The following FLT4 variants were observed in gnomAD, a reference collection of about 807,000 sequenced individuals.
The protein encoded by FLT4 is fms related receptor tyrosine kinase 4, also known as vascular endothelial growth factor receptor 3.
In FLT4, 30 loss-of-function variants were observed where a neutral mutation model predicts 163.2. The observed-to-expected ratio is 0.18, with a 90% confidence interval of 0.14 to 0.25. FLT4 has a LOEUF of 0.25. Among genes scored for constraint, FLT4 ranks in the 10% least tolerant of loss-of-function variants. The pLI is 1.00. For missense variants in FLT4, 1,510 were observed against 1,863.8 expected, an observed-to-expected ratio of 0.81 and a Z score of 3.50; for synonymous variants, 884 against 789.5, an observed-to-expected ratio of 1.12 and a Z score of -2.01.
intron 7 of FLT4, 27 bp from the exon 8 acceptor site, chr5:180,629,026 A>G (rs752263155): frequency 5.0e-6 from 8 of 1,584,684 alleles, no homozygotes; most frequent in Non-Finnish European, 6.9e-6. Context: ...GTCACTGTAA[A>G]TCCAGGACTG....
At chr5:180,624,865 CAT>C (rs1365098164) in intron 10 of FLT4, among the ~76,000 whole-genome samples, 1 of 152,258 alleles carries the variant, frequency 6.6e-6, no homozygotes, top group Non-Finnish European at 1.5e-5. Context: ...AAGGGAGGCT[CAT>C]ATCTGCCCCT....
upstream of FLT4, chr5:180,649,713 G>A (rs1390909426): frequency 7.0e-5 from 14 of 199,460 alleles, no homozygotes; most frequent in South Asian, 3.6e-4. Context: ...CTCCCAGCCC[G>A]CCGCGGGGCG....
intron 1 of FLT4, among the ~76,000 whole-genome samples, chr5:180,633,968 A>T (rs911293702): frequency 1.3e-5 from 2 of 152,124 alleles, no homozygotes; most frequent in African/African-American, 4.8e-5. Context: ...CACATCCAGC[A>T]GACACCTTCC....
In FLT4 at chr5:180,616,451, C is replaced by T. The variant is rs546970544; in HGVS notation, c.3135G>A (p.Leu1045=). ...HRDLAARNIL[L]SESDVVKICD... ...AGATCTTCACCACGTCGCTTTCCGA[C>T]AGCAGAATGTTCCGAGCAGCCAGGT... Residue 1045 remains leucine, a synonymous_variant, in exon 23 of 30, where the codon CTG becomes CTA. Coordinates refer to ENST00000261937, the MANE Select transcript of FLT4 (RefSeq NM_182925.5). 1.2e-6 allele frequency: 2 copies of T among 1,613,970 alleles called. No homozygotes were observed. Among genetic ancestry groups the T allele is most frequent in the Non-Finnish European group, 1.7e-6 (2 of 1,180,002 alleles).
chr5:180,646,230 C>G (rs888657799), intron 1 of FLT4, among the ~76,000 whole-genome samples: 14 of 152,170 alleles, frequency 9.2e-5, no homozygotes, highest in African/African-American at 3.4e-4. Flanking sequence ...GATAAATTAT[C>G]CTTGAAGCCA....
Position 180,623,824 on chromosome 5 carries a change from G to A in FLT4, c.1548+111C>T. ...ACTGCAGGAAGGTCACCCGCTCTCG[G>A]CTGCTCTGCCCAGCACTCTGGAAGC... is the stretch of plus-strand genomic sequence containing the variant. On this transcript the variant is annotated intron_variant, in intron 11 of 29. Transcript: ENST00000261937. This position sits in a 1 kb window ranked among gnomAD's most constrained non-coding sequence, Gnocchi z 5.8. The A allele has an allele frequency of 7.0e-7, 1 of 1,420,828 alleles. No individual in the cohort carries two copies. 88.0% of individuals were successfully genotyped at this position (1,420,828 alleles called of 1,614,324 possible). A position where few individuals can be genotyped will look rare whatever the true frequency, so the allele number is the denominator to read the frequency against.
rs1373401399 is a variant in FLT4 at position 180,623,027 on chromosome 5, A to G, written c.1549-188T>C. Among the ~76,000 whole-genome samples, 1 of 152,060 alleles carries G rather than the reference A, an allele frequency of 6.6e-6. No individual in the cohort carries two copies. The highest frequency in any genetic ancestry group is 1.5e-5 in the Non-Finnish European group (1 of 67,994). On this transcript the variant is annotated intron_variant, in intron 11 of 29. Coordinates refer to ENST00000261937, the MANE Select transcript of FLT4 (RefSeq NM_182925.5). The surrounding 1 kb of genome is among the most constrained non-coding windows in gnomAD (Gnocchi z 5.8). Reference sequence around the variant, plus strand: ...GGCAGAGGAGAGAAGGCCCCTGGGCAGCAGAGAGAGGTAGCTGCCCAGAAA... The same window carrying G: ...GGCAGAGGAGAGAAGGCCCCTGGGCGGCAGAGAGAGGTAGCTGCCCAGAAA...
Position 180,616,409 on chromosome 5 carries a change from G to C in FLT4, c.3177C>G (p.Ala1059=). The C allele has an allele frequency of 6.2e-7, 1 of 1,614,010 alleles. No individual in the cohort carries two copies. Among genetic ancestry groups the C allele is most frequent in the African/African-American group, 1.3e-5 (1 of 75,038 alleles). The change falls in exon 23 of 30, where the codon GCC becomes GCG. Residue 1059 remains alanine, a synonymous_variant. Coordinates refer to ENST00000261937, the MANE Select transcript of FLT4 (RefSeq NM_182925.5). The stretch of plus-strand genomic sequence containing the variant: ...AGTCGGGGTCTTTGTAGATGTCCCG[G>C]GCAAGGCCAAAGTCACAGATCTTCA... ...DVVKICDFGL[A]RDIYKDPDYV... is the part of the protein sequence containing the mutation.
rs775580963 is a variant in FLT4 at position 180,613,063 on chromosome 5, G to A, written c.3379C>T (p.Arg1127Trp). ...CTCATCCTTGTGCCGTCTCTCAGCC[G>A]CTGGCAGAACTCCTCATTGATCTGC... ...GVQINEEFCQ[R>W]LRDGTRMRAP... The change falls in exon 25 of 30, where the codon CGG (arginine) becomes TGG (tryptophan). Residue 1127 changes from arginine (R) to tryptophan (W), a missense_variant. By Grantham distance (101) the Arg-to-Trp change is moderately radical. Coordinates refer to ENST00000261937, the MANE Select transcript of FLT4 (RefSeq NM_182925.5). 4 of 1,613,396 alleles carry A rather than the reference G, an allele frequency of 2.5e-6. No individual in the cohort carries two copies. Among genetic ancestry groups the A allele is most frequent in the Non-Finnish European group, 3.4e-6 (4 of 1,179,722 alleles).
intron 29 of FLT4, among the ~76,000 whole-genome samples, chr5:180,607,584 C>T (rs13179849): frequency 0.32 from 47,794 of 148,866 alleles, 7,869 homozygotes; most frequent in Middle Eastern, 0.42. Flanking sequence ...GAGGTTGCAG[C>T]GAGCAGAGAT....
At chr5:180,615,081 G>A (rs890971072) in intron 23 of FLT4, among the ~76,000 whole-genome samples, 5 of 152,166 alleles carry the variant, frequency 3.3e-5, no homozygotes, top group African/African-American at 9.7e-5. Flanking sequence ...AGGACCCACC[G>A]CACGGAGCAA....
chr5:180,626,054 T>A, intron 9 of FLT4, 23 bp from the exon 10 acceptor site: 1 of 1,612,658 alleles, frequency 6.2e-7, no homozygotes, highest in Non-Finnish European at 8.5e-7. Flanking sequence ...AGATGGCCGG[T>A]CAGCTGGCCT....
intron 23 of FLT4, 26 bp downstream of exon 23, chr5:180,616,341 C>T (rs1490894696): frequency 1.2e-6 from 2 of 1,613,746 alleles, no homozygotes; most frequent in Non-Finnish European, 8.5e-7. Context: ...GCCCCACGTT[C>T]CCTCTCCTCA....
At position 180,628,897 on chromosome 5, in the gene FLT4, G is replaced by T; in HGVS notation, c.1088C>A (p.Pro363Gln). Residue 363 changes from proline to glutamine, a missense_variant, in exon 8 of 30, where the codon CCG becomes CAG. Coordinates refer to ENST00000261937, the MANE Select transcript of FLT4 (RefSeq NM_182925.5). ...GGGCTGTTACCACTGGAACTCGGGCGGGGGGTACGCTGCCAGCTTCACGGG... is the reference window on the plus strand; with the variant it reads ...GGGCTGTTACCACTGGAACTCGGGCTGGGGGTACGCTGCCAGCTTCACGGG... ...KLPVKLAAYP[P>Q]PEFQWYKDGK... The T allele has an allele frequency of 1.2e-6, 2 of 1,608,644 alleles. No homozygotes were observed. The highest frequency in any genetic ancestry group is 8.5e-7 in the Non-Finnish European group (1 of 1,177,030).
At chr5:180,632,055 A>G (rs1764216353) in intron 1 of FLT4, among the ~76,000 whole-genome samples, 1 of 152,034 alleles carries the variant, frequency 6.6e-6, no homozygotes, top group Non-Finnish European at 1.5e-5. Context: ...ACCTAACCCC[A>G]ACCTCTGACC....
intron 1 of FLT4, among the ~76,000 whole-genome samples, chr5:180,647,870 T>TCACCCCACGTCCCTCTGTGCTC (rs1189082917): frequency 6.6e-6 from 1 of 152,090 alleles, no homozygotes; most frequent in Non-Finnish European, 1.5e-5. Flanking sequence ...TCCTCACCCT[T>TCACCCCACGTCCCTCTGTGCTC]CACCCCACGT....
intron 1 of FLT4, among the ~76,000 whole-genome samples, chr5:180,637,228 G>A (rs976209184): frequency 6.6e-6 from 1 of 151,898 alleles, no homozygotes; most frequent in African/African-American, 2.4e-5. Context: ...TACTCGGGAG[G>A]CTGAGGCAGG....
intron 24 of FLT4, chr5:180,613,328 G>A (rs1762357875): frequency 3.9e-6 from 2 of 510,366 alleles, no homozygotes; most frequent in Non-Finnish European, 6.9e-6. Flanking sequence ...GTTAAAAGAG[G>A]ACTGTGCCGC....
At chr5:180,632,278 G>A (rs1047181242) in intron 1 of FLT4, among the ~76,000 whole-genome samples, 8 of 152,110 alleles carry the variant, frequency 5.3e-5, no homozygotes, top group Admixed American at 1.3e-4. Flanking sequence ...CAGGGGCCTC[G>A]CCCCCTCCTG....
Sources: allele counts gnomAD v4.1 joint callset (sites outside exome capture counted in the v4.1 genomes callset), GRCh38; gene constraint gnomAD v4.1.1; non-coding constraint Gnocchi (gnomAD v3.1); transcripts MANE v1.5; gene names NCBI Gene and HGNC (gene_info 2026-07-23, HGNC 2026-07-21).